The following SH3TC1 variants were observed in gnomAD, a reference collection of about 807,000 sequenced individuals.
SH3TC1 encodes SH3 domain and tetratricopeptide repeat-containing protein 1.
SH3TC1 carries 135 observed loss-of-function variants against 117.3 expected under a neutral mutation model. That is an observed-to-expected ratio of 1.15 (90% CI 1.00 to 1.33). The LOEUF (loss-of-function observed/expected upper bound fraction) is 1.33, where lower values mean the gene tolerates loss of function less well. SH3TC1 is among the 40% of genes most tolerant of loss of function. The pLI is 0.00. For synonymous variants in SH3TC1, 898 were observed against 816.9 expected (o/e 1.10, Z -1.69); for missense variants, 2,092 against 1,794.3 (o/e 1.17, Z -3.00).
rs371165397 is a variant in SH3TC1 at position 8,184,930 on chromosome 4, G to C, written c.-57+2720G>C. Among the ~76,000 whole-genome samples the C allele has an allele frequency of 2.5e-4, 14 of 56,850 alleles. No individual in the cohort carries two copies. The South Asian group carries it at 6.1e-3, about 25-fold the overall frequency. The allele number at this position is 56,850 out of a possible 152,430, so 37.3% of individuals were successfully genotyped here. A position where few individuals can be genotyped will look rare whatever the true frequency, so the allele number is the denominator to read the frequency against. ...CAGTTAATTGTTTTGTCAATCTCATGAGATTGTCGTATACATTTGTGATAC... is the reference window on the plus strand; with the variant it reads ...CAGTTAATTGTTTTGTCAATCTCATCAGATTGTCGTATACATTTGTGATAC... On this transcript the variant is annotated intron_variant, in intron 1 of 16. Transcript: ENST00000508641.
Position 8,186,720 on chromosome 4 carries a change from G to A in SH3TC1, c.-57+4510G>A, listed in dbSNP as rs1404914399. 6.6e-6 allele frequency among the ~76,000 whole-genome samples: 1 copy of A among 152,156 alleles called. No homozygotes were observed. The highest frequency in any genetic ancestry group is 1.5e-5 in the Non-Finnish European group (1 of 68,026). Reference sequence around the variant, plus strand: ...GCACTTTGGGAGATGGAGGTGGGTAGATCACTTGAGGTCAAAAGTTCAAGA... The same window carrying A: ...GCACTTTGGGAGATGGAGGTGGGTAAATCACTTGAGGTCAAAAGTTCAAGA... On this transcript the variant is annotated intron_variant, in intron 1 of 16. Coordinates refer to the SH3TC1 transcript ENST00000508641. This position sits in a 1 kb window ranked among gnomAD's most constrained non-coding sequence, Gnocchi z 5.2.
intron 1 of SH3TC1, among the ~76,000 whole-genome samples, chr4:8,189,609 G>A (rs943146644): frequency 1.3e-5 from 2 of 152,176 alleles, no homozygotes; most frequent in Non-Finnish European, 2.9e-5. Context: ...ACCAGGTGGG[G>A]AAAGAGAGGG....
intron 4 of SH3TC1, among the ~76,000 whole-genome samples, chr4:8,213,745 A>T (rs1203474114): frequency 1.3e-5 from 2 of 152,138 alleles, no homozygotes; most frequent in African/African-American, 4.8e-5. Flanking sequence ...AAAAAAATTT[A>T]AAAAGTTAGC....
rs1720337735 is a variant in SH3TC1 at position 8,225,114 on chromosome 4, T to C, written c.1244-61T>C. On this transcript the variant is annotated intron_variant, in intron 10 of 17. Transcript: ENST00000245105. The surrounding 1 kb of genome is among the most constrained non-coding windows in gnomAD (Gnocchi z 5.5). ...CTGCAACATCGACACTAGCTCAACC[T>C]GGCAGGGGACCAGAGGTACTGGCTG... The C allele has an allele frequency of 6.2e-7, 1 of 1,600,642 alleles. No individual in the cohort carries two copies. Among genetic ancestry groups the C allele is most frequent in the South Asian group, 1.1e-5 (1 of 89,830 alleles).
At chr4:8,204,266 G>C (rs187175131) in intron 1 of SH3TC1, among the ~76,000 whole-genome samples, 33 of 152,306 alleles carry the variant, frequency 2.2e-4, no homozygotes, top group Non-Finnish European at 3.8e-4. Flanking sequence ...CTTGCTGGGC[G>C]GGGAGATGGG....
At chr4:8,233,583 G>T in intron 14 of SH3TC1, 70 bp downstream of exon 14, 1 of 1,459,398 alleles carries the variant, frequency 6.9e-7, no homozygotes. Context: ...GTCCATTGAT[G>T]ATGATGATAG....
At chr4:8,229,002 T>C (rs1035451432) in intron 12 of SH3TC1, 21 of 239,218 alleles carry the variant, frequency 8.8e-5, no homozygotes, top group Admixed American at 2.5e-4. Context: ...GGCCCCTCCA[T>C]GAGCCAGGCC....
chr4:8,226,803 G>A (rs1218559553), intron 11 of SH3TC1, among the ~76,000 whole-genome samples, 177 bp from the exon 12 acceptor site: 1 of 152,158 alleles, frequency 6.6e-6, no homozygotes, highest in Non-Finnish European at 1.5e-5. Context: ...TGTGCTCCAG[G>A]CCCTGGGTTT....
At chr4:8,228,669 T>C in intron 12 of SH3TC1, 25 bp downstream of exon 12, 1 of 1,440,318 alleles carries the variant, frequency 6.9e-7, no homozygotes, top group South Asian at 1.5e-5. Context: ...TCCTTCTGTG[T>C]GCCTTCCGGG....
Position 8,232,004 on chromosome 4 carries a change from C to A in SH3TC1, c.2979C>A (p.Cys993Ter). ...AGCTGCGGGCCGTCCAGCGGCTGTG[C>A]CACTTCTACAGCGCCGTCATGCCCA... ...ESQLRAVQRL[C>*]HFYSAVMPSE... The change falls in exon 13 of 18, where the codon TGC becomes TGA. Residue 993 changes from cysteine (C) to a stop codon, truncating the protein, a stop_gained. Coordinates refer to ENST00000245105, the MANE Select transcript of SH3TC1 (RefSeq NM_018986.5). LOFTEE classifies it high-confidence loss of function. 6.2e-7 allele frequency: 1 copy of A among 1,612,442 alleles called. No individual in the cohort carries two copies. Among genetic ancestry groups the A allele is most frequent in the Non-Finnish European group, 8.5e-7 (1 of 1,180,014 alleles).
intron 1 of SH3TC1, among the ~76,000 whole-genome samples, chr4:8,184,819 G>T (rs994252953): frequency 6.6e-6 from 1 of 151,516 alleles, no homozygotes; most frequent in Non-Finnish European, 1.5e-5. Flanking sequence ...TAATTGTTTT[G>T]TCAATCTCAC....
intron 1 of SH3TC1, among the ~76,000 whole-genome samples, chr4:8,204,105 C>T (rs1718010877): frequency 6.6e-6 from 1 of 152,222 alleles, no homozygotes; most frequent in Non-Finnish European, 1.5e-5. Flanking sequence ...TGCACTTTTG[C>T]TCCCAGACAG....
chr4:8,234,810 G>A (rs537185900), intron 14 of SH3TC1, among the ~76,000 whole-genome samples: 100 of 152,336 alleles, frequency 6.6e-4, no homozygotes, highest in African/African-American at 2.1e-3. Flanking sequence ...CTCAAATAAT[G>A]TGGCCTCTCA....
chr4:8,205,672 A>C lies in SH3TC1; in HGVS notation c.172+306A>C. On this transcript the variant is annotated intron_variant, in intron 2 of 17. Coordinates refer to ENST00000245105, the MANE Select transcript of SH3TC1 (RefSeq NM_018986.5). The surrounding 1 kb of genome is among the most constrained non-coding windows in gnomAD (Gnocchi z 5.4). Reference sequence around the variant, plus strand: ...CCCCCATGTTCAGAGACCGTTCCAGAAACAGTCCGATGGGTTTGGCCTTGG... The same window carrying C: ...CCCCCATGTTCAGAGACCGTTCCAGCAACAGTCCGATGGGTTTGGCCTTGG... The C allele has an allele frequency of 1.3e-6, 1 of 754,424 alleles. No homozygotes were observed. The highest frequency in any genetic ancestry group is 1.4e-5 in the South Asian group (1 of 73,150). The allele number at this position is 754,424 out of a possible 1,614,324, so 46.7% of individuals were successfully genotyped here.
chr4:8,217,299 T>C lies in SH3TC1; in HGVS notation c.839+132T>C, dbSNP rs1252330852. ...GACAGACCTGGCCATGGCCTTGTTC[T>C]GCTGCTTCCCAGCTGTGTGGCCTCG... On this transcript the variant is annotated intron_variant, in intron 7 of 17. Transcript: ENST00000245105. The C allele has an allele frequency of 4.4e-6, 5 of 1,130,714 alleles. No homozygotes were observed. The African/African-American group carries it at 4.6e-5, about 10-fold the overall frequency. The allele number at this position is 1,130,714 out of a possible 1,614,324, so 70.0% of individuals were successfully genotyped here. A position where few individuals can be genotyped will look rare whatever the true frequency, so the allele number is the denominator to read the frequency against.
chr4:8,209,493 G>C lies in SH3TC1; in HGVS notation c.173-255G>C, dbSNP rs553595782. Among the ~76,000 whole-genome samples the C allele has an allele frequency of 8.5e-5, 13 of 152,324 alleles. No homozygotes were observed. In the South Asian group the frequency reaches 2.7e-3, roughly 32 times the overall value. ...GTGAGGCCCATTGGAACTTGAGAGC[G>C]GCGGGATCATACGAGTCGTGTGGTC... On this transcript the variant is annotated intron_variant, in intron 2 of 17. Transcript: ENST00000245105. This position sits in a 1 kb window ranked among gnomAD's most constrained non-coding sequence, Gnocchi z 5.9.
intron 12 of SH3TC1, chr4:8,231,023 C>T (rs1721153562): frequency 6.6e-6 from 1 of 152,104 alleles, no homozygotes; most frequent in Non-Finnish European, 1.5e-5. Context: ...CTCAAGCGAT[C>T]CTCCCGCCTC....
Position 8,232,604 on chromosome 4 carries a change from G to A in SH3TC1, c.3131+448G>A, listed in dbSNP as rs1487151108. ...GCCAGTTGTGTCACCTGCTTCCCTG[G>A]GGCAGGGTTTCAAGGTCTCACATCC... is the stretch of plus-strand genomic sequence containing the variant. On this transcript the variant is annotated intron_variant, in intron 13 of 17. Coordinates refer to ENST00000245105, the MANE Select transcript of SH3TC1 (RefSeq NM_018986.5). 2.6e-5 allele frequency: 35 copies of A among 1,341,878 alleles called. 1 individual carries two copies. The Admixed American group carries it at 6.3e-4, about 24-fold the overall frequency. 83.1% of individuals were successfully genotyped at this position (1,341,878 alleles called of 1,614,324 possible). A position where few individuals can be genotyped will look rare whatever the true frequency, so the allele number is the denominator to read the frequency against.
rs113258718 is a variant in SH3TC1, at chr4:8,222,888, C to A, written c.1161C>A (p.Ser387Arg). Residue 387 changes from serine to arginine, a missense_variant, in exon 10 of 18, where the codon AGC (serine) becomes AGA (arginine). By Grantham distance (110) the Ser-to-Arg change is moderately radical. Transcript: ENST00000245105. ...ATGAGGAAGAAAAGTCATTCTTCAG[C>A]GAGGGCTGCTTTTCTGAGGAGGATG... ...FLNEEEKSFF[S>R]EGCFSEEDAR... The A allele has an allele frequency of 5.6e-6, 9 of 1,613,732 alleles. No homozygotes were observed. Among genetic ancestry groups the A allele is most frequent in the Non-Finnish European group, 7.6e-6 (9 of 1,179,900 alleles).
Sources: gnomAD v4.1 joint callset for allele counts (sites outside exome capture counted in the v4.1 genomes callset) on GRCh38, gnomAD v4.1.1 for gene constraint, Gnocchi (gnomAD v3.1) non-coding constraint, MANE v1.5 for transcripts, NCBI Gene and HGNC (gene_info 2026-07-23, HGNC 2026-07-21) for gene names.